CDH11: variants seen among roughly 807,000 people sequenced by gnomAD.
CDH11 encodes the protein cadherin 11, also known as cadherin-11.
Under a neutral mutation model 67.8 loss-of-function variants are expected in CDH11, and 11 were observed. The ratio of observed to expected loss-of-function variants is 0.16; its 90% CI spans 0.10 to 0.27. CDH11 has a LOEUF of 0.27. CDH11 is among the 10% of genes least tolerant of loss of function. CDH11 has a pLI of 1.00. For missense variants in CDH11, 847 were observed against 1,031.2 expected, an observed-to-expected ratio of 0.82 and a Z score of 2.45; for synonymous variants, 419 against 400.0, an observed-to-expected ratio of 1.05 and a Z score of -0.57.
chr16:64,953,267 T>G (rs2071412060), intron 11 of CDH11, among the ~76,000 whole-genome samples: 1 of 149,532 alleles, frequency 6.7e-6, no homozygotes, highest in Non-Finnish European at 1.5e-5. Flanking sequence ...TATCTATATA[T>G]AGATATATAT....
intron 11 of CDH11, among the ~76,000 whole-genome samples, chr16:64,966,505 A>T (rs1236974818): frequency 6.6e-6 from 1 of 152,012 alleles, no homozygotes; most frequent in Non-Finnish European, 1.5e-5. Flanking sequence ...GAAAAATATG[A>T]TACCAGTAAA....
chr16:64,944,353 C>T lies in CDH11; in HGVS notation c.*3250G>A, dbSNP rs2071159024. 1 of 232,446 alleles carries T rather than the reference C, an allele frequency of 4.3e-6. No homozygotes were observed. Among genetic ancestry groups the T allele is most frequent in the African/African-American group, 2.2e-5 (1 of 45,268 alleles). The allele number at this position is 232,446 out of a possible 1,614,324, so 14.4% of individuals were successfully genotyped here. A position where few individuals can be genotyped will look rare whatever the true frequency, so the allele number is the denominator to read the frequency against. ...GAGCAGAGAAGTCTTTCCTCTTCTCCATCTCCAAATTACTGAATTATTTCA... is the reference window on the plus strand; with the variant it reads ...GAGCAGAGAAGTCTTTCCTCTTCTCTATCTCCAAATTACTGAATTATTTCA... On this transcript the variant is annotated 3_prime_UTR_variant, in exon 13 of 13. Coordinates refer to ENST00000268603, the MANE Select transcript of CDH11 (RefSeq NM_001797.4).
rs543121867 is a variant in CDH11, at chr16:65,086,781, TA to T, written c.-297-32854del. ...CAGATGATCTGCAGACTACCTTTTA[TA>T]AAACTCTCATAAAACAAACACAAGT... On this transcript the variant is annotated intron_variant, in intron 1 of 12. Coordinates refer to ENST00000268603, the MANE Select transcript of CDH11 (RefSeq NM_001797.4). Among the ~76,000 whole-genome samples, 3 of 152,270 alleles carry T rather than the reference TA, an allele frequency of 2.0e-5. No individual in the cohort carries two copies. The East Asian group carries it at 5.8e-4, about 29-fold the overall frequency.
At chr16:65,003,851 C>G (rs1050182498) in intron 3 of CDH11, among the ~76,000 whole-genome samples, 3 of 152,112 alleles carry the variant, frequency 2.0e-5, no homozygotes, top group Admixed American at 1.3e-4. Context: ...CATAAGTACA[C>G]AAGGATGACA....
chr16:64,958,967 C>A (rs1462841188), intron 11 of CDH11, among the ~76,000 whole-genome samples: 1 of 151,988 alleles, frequency 6.6e-6, no homozygotes, highest in Non-Finnish European at 1.5e-5. Context: ...GTGAAGGAGG[C>A]AAGAAGAAAC....
At chr16:65,089,669 G>C (rs1362108143) in intron 1 of CDH11, among the ~76,000 whole-genome samples, 2 of 152,086 alleles carry the variant, frequency 1.3e-5, no homozygotes, top group Non-Finnish European at 2.9e-5. Context: ...AAGGAAAGAA[G>C]CCAATTCTAA....
At chr16:65,055,833 T>G (rs1312799678) in intron 1 of CDH11, among the ~76,000 whole-genome samples, 1 of 152,194 alleles carries the variant, frequency 6.6e-6, no homozygotes, top group Non-Finnish European at 1.5e-5. Flanking sequence ...AATTCACATG[T>G]TAAAGCACTA....
chr16:65,038,665 G>A (rs1369965894), intron 2 of CDH11, among the ~76,000 whole-genome samples: 1 of 152,080 alleles, frequency 6.6e-6, no homozygotes, highest in Non-Finnish European at 1.5e-5. Context: ...CTTGCCTTGG[G>A]GAAATAGGAT....
At chr16:65,008,019 A>T (rs1157580067) in intron 2 of CDH11, among the ~76,000 whole-genome samples, 2 of 152,250 alleles carry the variant, frequency 1.3e-5, no homozygotes, top group Non-Finnish European at 2.9e-5. Context: ...GCCAAGTATT[A>T]AATGCTCATT....
intron 1 of CDH11, among the ~76,000 whole-genome samples, chr16:65,113,415 C>T (rs568942129): frequency 6.6e-5 from 10 of 152,164 alleles, no homozygotes; most frequent in Non-Finnish European, 1.3e-4. Context: ...TGGTTCCTCT[C>T]TGGGTTCCTG....
intron 11 of CDH11, among the ~76,000 whole-genome samples, chr16:64,951,831 CAGG>C (rs2071370252): frequency 6.6e-6 from 1 of 152,032 alleles, no homozygotes; most frequent in Non-Finnish European, 1.5e-5. Context: ...ATAACCCTTG[CAGG>C]AGATTTATGG....
intron 8 of CDH11, chr16:64,981,098 T>TTTTC (rs2072328417): frequency 3.1e-4 from 1 of 3,222 alleles, no homozygotes. Flanking sequence ...TCTTTCTTTC[T>TTTTC]TTTTTTTTTT....
intron 4 of CDH11, among the ~76,000 whole-genome samples, chr16:64,997,309 A>AAATAAATC (rs2072797084): frequency 6.8e-6 from 1 of 146,038 alleles, no homozygotes; most frequent in East Asian, 2.0e-4. Flanking sequence ...CAAAATAAAT[A>AAATAAATC]AATAAATAAA....
At chr16:65,098,430 A>G (rs1303826779) in intron 1 of CDH11, among the ~76,000 whole-genome samples, 1 of 152,152 alleles carries the variant, frequency 6.6e-6, no homozygotes, top group African/African-American at 2.4e-5. Context: ...CTGGGTATGT[A>G]ATACATGTGC....
At chr16:64,961,952 G>A (rs1280967875) in intron 11 of CDH11, among the ~76,000 whole-genome samples, 4 of 152,092 alleles carry the variant, frequency 2.6e-5, no homozygotes, top group African/African-American at 9.7e-5. Flanking sequence ...CCAGTATGAT[G>A]TTTAATGATG....
chr16:64,947,582 G>C lies in CDH11; in HGVS notation c.*21C>G. On this transcript the variant is annotated 3_prime_UTR_variant, in exon 13 of 13. Transcript: ENST00000268603. ...GAGAACGCCAGACACAGTTCTTAAG[G>C]CCAAATTTGTATCGTTATTGTTAAG... 1 of 1,592,688 alleles carries C rather than the reference G, an allele frequency of 6.3e-7. No individual in the cohort carries two copies. Among genetic ancestry groups the C allele is most frequent in the Non-Finnish European group, 8.6e-7 (1 of 1,166,198 alleles).
chr16:65,091,627 C>T (rs2074794519), intron 1 of CDH11, among the ~76,000 whole-genome samples: 1 of 150,746 alleles, frequency 6.6e-6, no homozygotes, highest in Non-Finnish European at 1.5e-5. Context: ...TCTTAGCTCA[C>T]TGCAAGCTCC....
intron 1 of CDH11, among the ~76,000 whole-genome samples, chr16:65,120,583 A>G (rs555934421): frequency 2.0e-5 from 3 of 152,328 alleles, no homozygotes; most frequent in East Asian, 3.9e-4. Context: ...CCGGGTTTCA[A>G]GAACAACCCC....
chr16:65,012,840 T>A (rs1405286344), intron 2 of CDH11, among the ~76,000 whole-genome samples: 2 of 152,226 alleles, frequency 1.3e-5, no homozygotes, highest in Non-Finnish European at 2.9e-5. Context: ...AATGTAGCTG[T>A]ATGAATCACT....
Sources: gnomAD v4.1 joint callset for allele counts (sites outside exome capture counted in the v4.1 genomes callset) on GRCh38, gnomAD v4.1.1 for gene constraint, MANE v1.5 for transcripts, NCBI Gene and HGNC (gene_info 2026-07-23, HGNC 2026-07-21) for gene names.